The following GAS2 variants were observed in gnomAD, a reference collection of about 807,000 sequenced individuals.
GAS2 encodes the protein growth arrest-specific protein 2.
GAS2 carries 20 observed loss-of-function variants against 37.5 expected under a neutral mutation model. That is an observed-to-expected ratio of 0.53 (90% CI 0.37 to 0.77). The LOEUF is 0.77. Ranked by LOEUF, GAS2 falls within the 30% of genes least tolerant of loss-of-function variation. The pLI is 0.00. For synonymous variants in GAS2, 144 were observed against 132.2 expected, an observed-to-expected ratio of 1.09 and a Z score of -0.61; for missense variants, 336 against 373.4, an observed-to-expected ratio of 0.90 and a Z score of 0.82.
intron 5 of GAS2, among the ~76,000 whole-genome samples, chr11:22,740,619 G>A (rs1404891489): frequency 6.6e-6 from 1 of 152,022 alleles, no homozygotes; most frequent in Non-Finnish European, 1.5e-5. Flanking sequence ...TTTTGATTTT[G>A]TTGCAAATTC....
Position 22,685,744 on chromosome 11 carries a change from G to T in GAS2, c.222G>T (p.Met74Ile), listed in dbSNP as rs1849909632. The T allele has an allele frequency of 1.2e-6, 2 of 1,613,640 alleles. No homozygotes were observed. Among genetic ancestry groups the T allele is most frequent in the African/African-American group, 1.3e-5 (1 of 74,898 alleles). The change falls in exon 3 of 8, where the codon ATG (methionine) becomes ATT (isoleucine). Residue 74 changes from methionine to isoleucine, a missense_variant. Transcript: ENST00000454584. ...TGCTCTGTCAACTTGCAGAAACTAT[G>T]CAGGAGAAATTCAAGGAGAGCATGG... is the stretch of plus-strand genomic sequence containing the variant. ...GALLCQLAET[M>I]QEKFKESMDA... is the part of the protein sequence containing the mutation.
rs759451229 is a variant in GAS2, at chr11:22,720,331, T to C, written c.268-5961T>C. 5.9e-5 allele frequency among the ~76,000 whole-genome samples: 9 copies of C among 151,990 alleles called. No individual in the cohort carries two copies. In the East Asian group the frequency reaches 9.7e-4, roughly 16 times the overall value. On this transcript the variant is annotated intron_variant, in intron 3 of 7. Coordinates refer to ENST00000454584, the MANE Select transcript of GAS2 (RefSeq NM_001143830.3). ...TAGTGTGTTCAACTGTCCTAAATCA[T>C]AGCTCACTGCTTGAGGCACAGGGTC... is the stretch of plus-strand genomic sequence containing the variant.
chr11:22,649,879 C>T (rs1848751031), intron 1 of GAS2, among the ~76,000 whole-genome samples: 1 of 151,810 alleles, frequency 6.6e-6, no homozygotes. Flanking sequence ...CTCCTGGATT[C>T]ATTAATTTTT....
chr11:22,642,819 C>A (rs976753655), intron 1 of GAS2, among the ~76,000 whole-genome samples: 3 of 152,042 alleles, frequency 2.0e-5, no homozygotes, highest in South Asian at 2.1e-4. Context: ...TAATGTGGAA[C>A]CTTATCTATA....
At chr11:22,647,514 G>T (rs1002029309) in intron 1 of GAS2, among the ~76,000 whole-genome samples, 1 of 151,910 alleles carries the variant, frequency 6.6e-6, no homozygotes, top group African/African-American at 2.4e-5. Flanking sequence ...TTCCACAATG[G>T]TTGAACTAGT....
intron 7 of GAS2, among the ~76,000 whole-genome samples, chr11:22,787,808 C>G (rs1357436339): frequency 6.6e-6 from 1 of 152,164 alleles, no homozygotes; most frequent in Admixed American, 6.5e-5. Flanking sequence ...CTAGGAGTTT[C>G]TTTCAATGTC....
chr11:22,644,465 C>T (rs1423157462), intron 1 of GAS2, among the ~76,000 whole-genome samples: 1 of 152,096 alleles, frequency 6.6e-6, no homozygotes, highest in Non-Finnish European at 1.5e-5. Flanking sequence ...TTTGAGGGAA[C>T]CACTCTAAGG....
chr11:22,803,451 G>T (rs1205330528), intron 7 of GAS2, among the ~76,000 whole-genome samples: 1 of 152,098 alleles, frequency 6.6e-6, no homozygotes, highest in African/African-American at 2.4e-5. Flanking sequence ...TCTTGCCTGT[G>T]CTGAATTATC....
chr11:22,778,836 G>A (rs1855399984), intron 7 of GAS2, among the ~76,000 whole-genome samples: 1 of 152,122 alleles, frequency 6.6e-6, no homozygotes, highest in African/African-American at 2.4e-5. Flanking sequence ...TCTGTGAAAT[G>A]CATTAATATT....
At position 22,669,628 on chromosome 11, in the gene GAS2, T is replaced by C. The variant is rs373575241; in HGVS notation, c.-21+2729T>C. Among the ~76,000 whole-genome samples, 25 of 152,268 alleles carry C rather than the reference T, an allele frequency of 1.6e-4. No homozygotes were observed. In the East Asian group the frequency reaches 3.1e-3, roughly 19 times the overall value. ...TTTAATAATTATGACTAAACAGTCT[T>C]GTTACTGTGGGCAAAATATCCTCTT... On this transcript the variant is annotated intron_variant, in intron 1 of 7. Transcript: ENST00000454584.
intron 3 of GAS2, among the ~76,000 whole-genome samples, chr11:22,723,294 T>G (rs1206872846): frequency 6.6e-6 from 1 of 151,934 alleles, no homozygotes; most frequent in Non-Finnish European, 1.5e-5. Context: ...TTTCATTTTA[T>G]TTGTCTTAAA....
intron 6 of GAS2, 105 bp downstream of exon 6, chr11:22,749,366 T>C: frequency 9.4e-7 from 1 of 1,068,544 alleles, no homozygotes; most frequent in Admixed American, 2.7e-5. Context: ...TATATCAATT[T>C]TCTTGAAATG....
At chr11:22,718,018 G>T (rs1403795387) in intron 3 of GAS2, among the ~76,000 whole-genome samples, 1 of 151,952 alleles carries the variant, frequency 6.6e-6, no homozygotes, top group Non-Finnish European at 1.5e-5. Flanking sequence ...TTTTACTGCT[G>T]GTGGGAAATT....
intron 1 of GAS2, among the ~76,000 whole-genome samples, chr11:22,653,391 C>T (rs1447077741): frequency 6.6e-6 from 1 of 152,138 alleles, no homozygotes; most frequent in African/African-American, 2.4e-5. Context: ...TGCCAGGCAC[C>T]TAGCGCAGTG....
chr11:22,745,136 A>G (rs1346658801), intron 5 of GAS2, among the ~76,000 whole-genome samples: 2 of 150,916 alleles, frequency 1.3e-5, no homozygotes, highest in African/African-American at 2.4e-5. Flanking sequence ...AAAAAAAAGA[A>G]AGAAAAAAGC....
At chr11:22,783,650 T>G (rs1855677984) in intron 7 of GAS2, among the ~76,000 whole-genome samples, 1 of 152,146 alleles carries the variant, frequency 6.6e-6, no homozygotes, top group Non-Finnish European at 1.5e-5. Context: ...TCCCACTTAC[T>G]TACTTTTTTT....
chr11:22,719,655 T>C (rs1008364911), intron 3 of GAS2, among the ~76,000 whole-genome samples: 3 of 152,102 alleles, frequency 2.0e-5, no homozygotes, highest in African/African-American at 7.2e-5. Context: ...AACCCTGATC[T>C]TTTTACTGTC....
chr11:22,666,408 T>C (rs550710026), upstream of GAS2, among the ~76,000 whole-genome samples: 1 of 152,330 alleles, frequency 6.6e-6, no homozygotes, highest in African/African-American at 2.4e-5. Context: ...GCTAAAGCTA[T>C]TGACTCTGTT....
intron 3 of GAS2, among the ~76,000 whole-genome samples, chr11:22,705,251 G>A (rs985600007): frequency 5.3e-5 from 8 of 152,174 alleles, no homozygotes; most frequent in East Asian, 1.9e-4. Flanking sequence ...TGAACCTGAC[G>A]AGTAGGTCCC....
Sources: gnomAD v4.1 joint callset for allele counts (sites outside exome capture counted in the v4.1 genomes callset) on GRCh38, gnomAD v4.1.1 for gene constraint, MANE v1.5 for transcripts, NCBI Gene and HGNC (gene_info 2026-07-23, HGNC 2026-07-21) for gene names.